The following OPRM1 variants were observed in gnomAD, a reference collection of about 807,000 sequenced individuals.
OPRM1 encodes opioid receptor mu 1, also known as mu-type opioid receptor.
OPRM1 carries 27 observed loss-of-function variants against 31.8 expected under a neutral mutation model. The ratio of observed to expected loss-of-function variants is 0.85; its 90% CI spans 0.63 to 1.17. OPRM1 has a LOEUF of 1.17. Ranked by LOEUF, OPRM1 falls within the 50% of genes most tolerant of loss-of-function variation. The probability of loss-of-function intolerance (pLI) is 0.00; values close to 1 mark genes in which losing one functional copy is unlikely to be tolerated. For synonymous variants in OPRM1, 196 were observed against 189.9 expected (o/e 1.03, Z -0.26); for missense variants, 536 against 511.1 (o/e 1.05, Z -0.47).
intron 3 of OPRM1, among the ~76,000 whole-genome samples, chr6:154,092,981 T>C (rs1432730455): frequency 6.6e-6 from 1 of 152,204 alleles, no homozygotes; most frequent in Non-Finnish European, 1.5e-5. Flanking sequence ...CTAAACCTAC[T>C]CCTTTTACTA....
chr6:154,226,290 A>G (rs1779245152), intron 3 of OPRM1, among the ~76,000 whole-genome samples: 1 of 152,216 alleles, frequency 6.6e-6, no homozygotes, highest in Admixed American at 6.5e-5. Context: ...TCAATCCTGG[A>G]GCTCCTGTCC....
intron 1 of OPRM1, among the ~76,000 whole-genome samples, chr6:154,071,274 C>T (rs371380085): frequency 6.6e-6 from 1 of 152,082 alleles, no homozygotes; most frequent in Admixed American, 6.6e-5. Flanking sequence ...GCTTTCATAC[C>T]CCCAGGTCTG....
chr6:154,149,014 C>G (rs1798427084), intron 3 of OPRM1, among the ~76,000 whole-genome samples: 1 of 152,178 alleles, frequency 6.6e-6, no homozygotes, highest in African/African-American at 2.4e-5. Flanking sequence ...CCCCATTGTA[C>G]ACTTGCCCAA....
intron 3 of OPRM1, among the ~76,000 whole-genome samples, chr6:154,233,440 GT>G (rs991216778): frequency 2.6e-5 from 4 of 152,012 alleles, no homozygotes; most frequent in Non-Finnish European, 5.9e-5. Context: ...TTGCGTTTGG[GT>G]TTAGCTAACA....
At chr6:154,152,382 AAG>A (rs1562510874) in intron 3 of OPRM1, among the ~76,000 whole-genome samples, 2 of 148,878 alleles carry the variant, frequency 1.3e-5, no homozygotes, top group African/African-American at 5.0e-5. Flanking sequence ...GAAAGAAAGA[AAG>A]AAAGAAAGAG....
intron 1 of OPRM1, among the ~76,000 whole-genome samples, chr6:154,014,579 A>G (rs1025882511): frequency 1.4e-5 from 2 of 144,172 alleles, no homozygotes; most frequent in Admixed American, 1.4e-4. Context: ...TGCTGAATTT[A>G]GATAAAAAAA....
intron 3 of OPRM1, chr6:154,158,808 A>G (rs983406313): frequency 6.6e-6 from 1 of 152,266 alleles, no homozygotes; most frequent in African/African-American, 2.4e-5. Flanking sequence ...AAATATATTT[A>G]AATAACAAAC....
chr6:154,192,084 AG>A (rs1801940840), intron 3 of OPRM1, among the ~76,000 whole-genome samples: 1 of 152,234 alleles, frequency 6.6e-6, no homozygotes, highest in African/African-American at 2.4e-5. Flanking sequence ...GATATTACAA[AG>A]GGTTTCTGCA....
intron 3 of OPRM1, among the ~76,000 whole-genome samples, chr6:154,142,069 A>C (rs1353097936): frequency 6.6e-6 from 1 of 152,094 alleles, no homozygotes; most frequent in East Asian, 1.9e-4. Flanking sequence ...AAAGATGCAA[A>C]TAGCCCAACT....
chr6:154,139,762 T>C (rs1411632157), intron 3 of OPRM1, among the ~76,000 whole-genome samples: 1 of 152,140 alleles, frequency 6.6e-6, no homozygotes, highest in Non-Finnish European at 1.5e-5. Flanking sequence ...CTGGTAAGTG[T>C]AGGCAGCCAC....
intron 3 of OPRM1, among the ~76,000 whole-genome samples, chr6:154,172,728 A>G (rs1799977311): frequency 6.6e-6 from 1 of 152,246 alleles, no homozygotes; most frequent in African/African-American, 2.4e-5. Flanking sequence ...CTCTGGGGGC[A>G]GGGCATATCT....
At chr6:154,095,838 G>C (rs79181352) in intron 3 of OPRM1, among the ~76,000 whole-genome samples, 2,285 of 152,134 alleles carry the variant, frequency 0.015, 70 homozygotes, top group African/African-American at 0.052. Context: ...TTTTCCATCT[G>C]TTCTCAGTGC....
chr6:154,115,001 A>C (rs1394733761), intron 3 of OPRM1, among the ~76,000 whole-genome samples: 1 of 152,186 alleles, frequency 6.6e-6, no homozygotes, highest in Admixed American at 6.5e-5. Flanking sequence ...GTACATCATG[A>C]ACATTTACAG....
In OPRM1 at chr6:154,122,564, C is replaced by T. The variant is rs943568545; in HGVS notation, c.*3843C>T. Among the ~76,000 whole-genome samples the T allele has an allele frequency of 6.6e-6, 1 of 152,172 alleles. No homozygotes were observed. Among genetic ancestry groups the T allele is most frequent in the Non-Finnish European group, 1.5e-5 (1 of 68,024 alleles). On this transcript the variant is annotated 3_prime_UTR_variant, in exon 4 of 4. Transcript: ENST00000330432. ...GGCATCCATTTAAGAGCCATTTAATCCATTTAATTACAAATAATTTCAACC... is the reference window on the plus strand; with the variant it reads ...GGCATCCATTTAAGAGCCATTTAATTCATTTAATTACAAATAATTTCAACC...
chr6:154,205,485 C>G (rs1200866921), intron 3 of OPRM1, among the ~76,000 whole-genome samples: 1 of 152,122 alleles, frequency 6.6e-6, no homozygotes, highest in Admixed American at 6.5e-5. Flanking sequence ...ATCCCAGCTA[C>G]TTGGGAGGCT....
chr6:154,211,072 A>C (rs960042461), intron 3 of OPRM1, among the ~76,000 whole-genome samples: 4 of 152,200 alleles, frequency 2.6e-5, no homozygotes, highest in African/African-American at 9.6e-5. Context: ...AACCTGTCAG[A>C]ACTTGCCATC....
At chr6:154,113,008 T>C (rs1275776569) in intron 3 of OPRM1, among the ~76,000 whole-genome samples, 2 of 152,214 alleles carry the variant, frequency 1.3e-5, no homozygotes, top group East Asian at 3.9e-4. Flanking sequence ...TCCTTTCTTA[T>C]GGTATGCATG....
chr6:154,126,850 G>T lies in OPRM1; in HGVS notation c.*8129G>T, dbSNP rs1415446920. 6.6e-6 allele frequency among the ~76,000 whole-genome samples: 1 copy of T among 152,118 alleles called. No homozygotes were observed. The highest frequency in any genetic ancestry group is 1.5e-5 in the Non-Finnish European group (1 of 68,018). ...GTGCCTGCTGGGCGCGGTGGCTCAC[G>T]CCTGTAATTCCAGCACTTTGGGAGG... On this transcript the variant is annotated 3_prime_UTR_variant, in exon 4 of 4. Coordinates refer to ENST00000330432, the MANE Select transcript of OPRM1 (RefSeq NM_000914.5).
At chr6:154,242,211 A>C (rs1312624777) in intron 3 of OPRM1, among the ~76,000 whole-genome samples, 1 of 152,148 alleles carries the variant, frequency 6.6e-6, no homozygotes, top group Admixed American at 6.5e-5. Context: ...GATCCTAATA[A>C]TGTGTTAGCA....
Sources: gnomAD v4.1 joint callset for allele counts (sites outside exome capture counted in the v4.1 genomes callset) on GRCh38, gnomAD v4.1.1 for gene constraint, MANE v1.5 for transcripts, NCBI Gene and HGNC (gene_info 2026-07-23, HGNC 2026-07-21) for gene names.